LSAMP: variants seen among roughly 807,000 people sequenced by gnomAD.
The protein encoded by LSAMP is limbic system-associated membrane protein.
LSAMP carries 7 observed loss-of-function variants against 38.6 expected under a neutral mutation model. That is an observed-to-expected ratio of 0.18 (90% CI 0.10 to 0.34). The LOEUF is 0.34. LSAMP is among the 10% of genes least tolerant of loss of function. The pLI, the probability that LSAMP is intolerant of heterozygous loss-of-function variation, is 1.00. For missense variants in LSAMP, 313 were observed against 420.0 expected, an observed-to-expected ratio of 0.75 and a Z score of 2.23; for synonymous variants, 154 against 166.8, an observed-to-expected ratio of 0.92 and a Z score of 0.59.
chr3:116,420,711 TA>T lies in LSAMP; in HGVS notation c.155+24165del, dbSNP rs200290423. Among the ~76,000 whole-genome samples, 533 of 151,264 alleles carry T rather than the reference TA, an allele frequency of 3.5e-3. 5 individuals carry two copies. The highest frequency in any genetic ancestry group is 0.012 in the African/African-American group (511 of 41,264). On this transcript the variant is annotated intron_variant, in intron 1 of 6. Transcript: ENST00000490035. ...CATGGTGAAACCCCATCTCTAATTT[TA>T]AAAAATACAAAAATATTAGCCGGGC...
chr3:116,175,699 C>T (rs1324307196), intron 1 of LSAMP, among the ~76,000 whole-genome samples: 1 of 151,994 alleles, frequency 6.6e-6, no homozygotes, highest in Non-Finnish European at 1.5e-5. Context: ...ATCTTATAAT[C>T]TTTCCCTTTT....
At chr3:116,119,556 TAGC>T (rs1207558950) in intron 1 of LSAMP, among the ~76,000 whole-genome samples, 1 of 152,046 alleles carries the variant, frequency 6.6e-6, no homozygotes, top group African/African-American at 2.4e-5. Flanking sequence ...CTACAGTTAA[TAGC>T]AGGGATATTA....
Position 116,006,721 on chromosome 3 carries a change from T to A in LSAMP, c.514+12794A>T, listed in dbSNP as rs373942916. ...GTGTCCATTATCACAGACATGACCA[T>A]AAGCAATGGGCAGCTAAGTCCTCAA... On this transcript the variant is annotated intron_variant, in intron 3 of 6. Transcript: ENST00000490035. Among the ~76,000 whole-genome samples, 4 of 152,310 alleles carry A rather than the reference T, an allele frequency of 2.6e-5. 1 individual carries two copies. The highest frequency in any genetic ancestry group is 9.6e-5 in the African/African-American group (4 of 41,570).
rs1491381624 is a variant in LSAMP at position 116,221,151 on chromosome 3, A to AAAAAAAAC, written c.156-134596_156-134595insGTTTTTTT. Among the ~76,000 whole-genome samples, 12 of 47,052 alleles carry AAAAAAAAC rather than the reference A, an allele frequency of 2.6e-4. 1 individual carries two copies. The highest frequency in any genetic ancestry group is 5.8e-4 in the Non-Finnish European group (11 of 18,812). 30.9% of individuals were successfully genotyped at this position (47,052 alleles called of 152,430 possible). A position where few individuals can be genotyped will look rare whatever the true frequency, so the allele number is the denominator to read the frequency against. ...GTGTGACAGAGCGAGACTCTGTCTCAAAAAAAAAAAAAAAAAAAAGGAAAG... is the reference window on the plus strand; with the variant it reads ...GTGTGACAGAGCGAGACTCTGTCTCAAAAAAAACAAAAAAAAAAAAAAAAAAAGGAAAG... On this transcript the variant is annotated intron_variant, in intron 1 of 6. Coordinates refer to ENST00000490035, the MANE Select transcript of LSAMP (RefSeq NM_002338.5).
chr3:116,101,882 T>C (rs1287177925), intron 1 of LSAMP, among the ~76,000 whole-genome samples: 1 of 152,172 alleles, frequency 6.6e-6, no homozygotes, highest in Non-Finnish European at 1.5e-5. Flanking sequence ...TAGAGGCTTA[T>C]ATTTAAGGAT....
intron 1 of LSAMP, among the ~76,000 whole-genome samples, chr3:116,265,678 A>G (rs1309111327): frequency 1.3e-5 from 2 of 152,212 alleles, no homozygotes; most frequent in African/African-American, 4.8e-5. Context: ...GTGAAAAGAA[A>G]TGATTAGATT....
intron 3 of LSAMP, among the ~76,000 whole-genome samples, chr3:115,879,130 C>T (rs1324639245): frequency 1.3e-5 from 2 of 152,108 alleles, no homozygotes; most frequent in African/African-American, 2.4e-5. Flanking sequence ...ATTCCTTGGG[C>T]TTACAGAGGA....
At chr3:116,230,404 T>C (rs981769484) in intron 1 of LSAMP, among the ~76,000 whole-genome samples, 1 of 152,186 alleles carries the variant, frequency 6.6e-6, no homozygotes, top group African/African-American at 2.4e-5. Context: ...GAAGGATGTT[T>C]GACATTATAC....
chr3:116,003,628 G>C (rs1940065351), intron 3 of LSAMP, among the ~76,000 whole-genome samples: 2 of 152,150 alleles, frequency 1.3e-5, no homozygotes, highest in African/African-American at 2.4e-5. Flanking sequence ...AGGATCTTAA[G>C]ATGAGATCAT....
At chr3:115,975,672 C>G (rs1939164741) in intron 3 of LSAMP, among the ~76,000 whole-genome samples, 1 of 152,188 alleles carries the variant, frequency 6.6e-6, no homozygotes, top group Admixed American at 6.5e-5. Flanking sequence ...TTTCTGACCA[C>G]AGAGATTTCT....
chr3:116,221,403 G>T (rs917327279), intron 1 of LSAMP, among the ~76,000 whole-genome samples: 2 of 152,120 alleles, frequency 1.3e-5, no homozygotes, highest in Non-Finnish European at 2.9e-5. Flanking sequence ...CCAAGCTATA[G>T]CCTTGTCCAC....
intron 3 of LSAMP, among the ~76,000 whole-genome samples, chr3:115,870,536 T>G (rs988412670): frequency 6.6e-6 from 1 of 152,080 alleles, no homozygotes; most frequent in Non-Finnish European, 1.5e-5. Context: ...AAAAGGAAGA[T>G]TCTCAGGCTT....
At chr3:116,017,686 T>C (rs927359793) in intron 3 of LSAMP, among the ~76,000 whole-genome samples, 4 of 152,146 alleles carry the variant, frequency 2.6e-5, no homozygotes, top group Non-Finnish European at 5.9e-5. Context: ...TTATGAAAAT[T>C]CACTGGGTCC....
chr3:116,154,362 C>T (rs1709691077), intron 1 of LSAMP, among the ~76,000 whole-genome samples: 2 of 152,078 alleles, frequency 1.3e-5, no homozygotes, highest in South Asian at 4.1e-4. Flanking sequence ...ATAATATTCC[C>T]ATAAAGTTTA....
intron 1 of LSAMP, among the ~76,000 whole-genome samples, chr3:116,416,136 C>T (rs760077373): frequency 1.3e-5 from 2 of 152,032 alleles, no homozygotes; most frequent in Non-Finnish European, 2.9e-5. Context: ...GAAATGGTTC[C>T]GGGCCATTTG....
chr3:116,190,465 A>G (rs1710730655), intron 1 of LSAMP, among the ~76,000 whole-genome samples: 2 of 151,992 alleles, frequency 1.3e-5, no homozygotes, highest in Admixed American at 6.6e-5. Flanking sequence ...ATTTTCCCCA[A>G]CACTAACAGT....
intron 3 of LSAMP, among the ~76,000 whole-genome samples, chr3:115,928,358 C>T (rs750250422): frequency 4.6e-5 from 7 of 152,076 alleles, no homozygotes; most frequent in South Asian, 4.1e-4. Flanking sequence ...CTTGTGAAGG[C>T]GGCAAAAGTA....
chr3:116,405,096 T>C (rs1277048761), intron 1 of LSAMP, among the ~76,000 whole-genome samples: 2 of 152,224 alleles, frequency 1.3e-5, no homozygotes, highest in Admixed American at 1.3e-4. Flanking sequence ...ACGCAAGTAA[T>C]ATATTTGCTT....
At chr3:115,840,805 T>C (rs1934973631) in intron 6 of LSAMP, among the ~76,000 whole-genome samples, 1 of 152,086 alleles carries the variant, frequency 6.6e-6, no homozygotes, top group East Asian at 1.9e-4. Flanking sequence ...GTCATAGTAT[T>C]TCCAGTTTTT....
Sources: allele counts gnomAD v4.1 joint callset (sites outside exome capture counted in the v4.1 genomes callset), GRCh38; gene constraint gnomAD v4.1.1; transcripts MANE v1.5; gene names NCBI Gene and HGNC (gene_info 2026-07-23, HGNC 2026-07-21).